Variants in CATSPERB observed in about 807,000 individuals in gnomAD.
The protein encoded by CATSPERB is cation channel sperm-associated auxiliary subunit beta.
CATSPERB carries 93 observed loss-of-function variants against 128.3 expected under a neutral mutation model. The observed-to-expected ratio is 0.72, with a 90% confidence interval of 0.61 to 0.86. The LOEUF (loss-of-function observed/expected upper bound fraction) is 0.86. CATSPERB is among the 40% of genes least tolerant of loss of function. The probability of loss-of-function intolerance (pLI) is 0.00; values close to 1 mark genes in which losing one functional copy is unlikely to be tolerated. For synonymous variants in CATSPERB, 381 were observed against 448.8 expected (o/e 0.85, Z 1.91); for missense variants, 1,153 against 1,329.5 (o/e 0.87, Z 2.06).
intron 17 of CATSPERB, among the ~76,000 whole-genome samples, chr14:91,626,577 C>T (rs1894168119): frequency 6.6e-6 from 1 of 151,530 alleles, no homozygotes; most frequent in Non-Finnish European, 1.5e-5. Context: ...GAATTCAGTC[C>T]CTTCCCTCCC....
chr14:91,586,571 A>AGAGAGAGAGAAAGAG (rs374162982), intron 26 of CATSPERB, among the ~76,000 whole-genome samples: 1 of 114,192 alleles, frequency 8.8e-6, no homozygotes, highest in South Asian at 3.2e-4. Context: ...GAGAGAGAGA[A>AGAGAGAGAGAAAGAG]AGAGAGAGAG....
intron 5 of CATSPERB, chr14:91,714,875 C>G (rs2139773322): frequency 6.6e-6 from 1 of 152,160 alleles, no homozygotes; most frequent in East Asian, 1.9e-4. Context: ...CCATGAACTA[C>G]TTAGGTATAA....
At chr14:91,582,089 G>C (rs1893215896) in intron 26 of CATSPERB, among the ~76,000 whole-genome samples, 1 of 152,136 alleles carries the variant, frequency 6.6e-6, no homozygotes, top group Admixed American at 6.6e-5. Flanking sequence ...TACTGCTACT[G>C]TGATTATTGT....
At chr14:91,644,489 T>A (rs1463748995) in intron 15 of CATSPERB, among the ~76,000 whole-genome samples, 1 of 142,596 alleles carries the variant, frequency 7.0e-6, no homozygotes, top group East Asian at 2.1e-4. Flanking sequence ...TGGCTGGATA[T>A]GAAATTCTGG....
rs1345282564 is a variant in CATSPERB, at chr14:91,621,769, A to G, written c.2099T>C (p.Leu700Ser). ...NMTFLKSTWF[L>S]YNFGQRNGRT... ...TCCATTCCTTTGCCCAAAGTTGTAT[A>G]AGAACCATGTGCTCTTTAGAAAGGT... Residue 700 changes from leucine to serine, a missense_variant, in exon 19 of 27, where the codon TTA (leucine) becomes TCA (serine). Physicochemically the swap from Leu to Ser is moderately radical, Grantham distance 145. Transcript: ENST00000256343. 2 of 1,614,064 alleles carry G rather than the reference A, an allele frequency of 1.2e-6. No individual in the cohort carries two copies. The highest frequency in any genetic ancestry group is 2.7e-5 in the African/African-American group (2 of 74,934).
At chr14:91,718,404 G>A (rs1895976907) in intron 5 of CATSPERB, among the ~76,000 whole-genome samples, 2 of 151,896 alleles carry the variant, frequency 1.3e-5, no homozygotes, top group African/African-American at 4.8e-5. Context: ...ACCTTGCCTT[G>A]CCTTCATTCT....
rs202228909 is a variant in CATSPERB, at chr14:91,672,546, A to AT, written c.1128+320dup. ...ATATAGATCTGTGGCAATTACTTCC[A>AT]TTTTTTTTTCTGTTTAATTAACCAT... On this transcript the variant is annotated intron_variant, in intron 13 of 26. Transcript: ENST00000256343. 1.0e-2 allele frequency among the ~76,000 whole-genome samples: 1,508 copies of AT among 150,972 alleles called. 20 individuals carry two copies. Among genetic ancestry groups the AT allele is most frequent in the Middle Eastern group, 0.044 (13 of 294 alleles).
chr14:91,640,396 C>CCCCCCTA (rs1894473447), intron 15 of CATSPERB, among the ~76,000 whole-genome samples: 1 of 89,882 alleles, frequency 1.1e-5, no homozygotes. Flanking sequence ...CCTCCCCCCT[C>CCCCCCTA]CCCCCACCCC....
chr14:91,668,612 TTGC>T (rs1044681361), intron 14 of CATSPERB, among the ~76,000 whole-genome samples: 8 of 152,220 alleles, frequency 5.3e-5, no homozygotes. Context: ...ACAATAAGTC[TTGC>T]TGCTGCTCAC....
intron 15 of CATSPERB, among the ~76,000 whole-genome samples, chr14:91,647,435 T>C (rs1442722536): frequency 6.6e-6 from 1 of 152,216 alleles, no homozygotes; most frequent in Non-Finnish European, 1.5e-5. Flanking sequence ...AAAAGGACTT[T>C]GGTACTGTGT....
chr14:91,582,257 G>A (rs1044464585), intron 26 of CATSPERB, among the ~76,000 whole-genome samples: 5 of 152,126 alleles, frequency 3.3e-5, no homozygotes, highest in African/African-American at 4.8e-5. Flanking sequence ...TTGTTGACAG[G>A]AATGTTGACA....
At chr14:91,720,090 C>T (rs539577756) in intron 4 of CATSPERB, among the ~76,000 whole-genome samples, 1 of 152,108 alleles carries the variant, frequency 6.6e-6, no homozygotes, top group East Asian at 1.9e-4. Context: ...TGGAAACATT[C>T]CAAATTTGCT....
At chr14:91,621,549 C>A in intron 19 of CATSPERB, 59 bp downstream of exon 19, 2 of 1,329,624 alleles carry the variant, frequency 1.5e-6, no homozygotes, top group Non-Finnish European at 2.1e-6. Context: ...GAGTATATTT[C>A]ACATTCAAGA....
Position 91,683,922 on chromosome 14 carries a change from G to C in CATSPERB, c.886C>G (p.Leu296Val). ...GCAAAACATCTTTCATTATACCACA[G>C]TTTTCCTTTCACATAGTCAACCTAC... is the stretch of plus-strand genomic sequence containing the variant. ...FERVDYVKGK[L>V]WYNERCFANR... The change falls in exon 11 of 27, where the codon CTG becomes GTG. Residue 296 changes from leucine (L) to valine (V), a missense_variant. Transcript: ENST00000256343. 1 of 1,604,972 alleles carries C rather than the reference G, an allele frequency of 6.2e-7. No homozygotes were observed. The highest frequency in any genetic ancestry group is 8.5e-7 in the Non-Finnish European group (1 of 1,176,108).
chr14:91,657,335 C>G (rs1042628262), intron 15 of CATSPERB, among the ~76,000 whole-genome samples: 14 of 152,010 alleles, frequency 9.2e-5, no homozygotes, highest in African/African-American at 3.4e-4. Context: ...GAAACTAGAC[C>G]TCTTTCTCCA....
intron 17 of CATSPERB, among the ~76,000 whole-genome samples, chr14:91,626,736 T>G: frequency 6.6e-6 from 1 of 152,296 alleles, no homozygotes; most frequent in Admixed American, 6.5e-5. Context: ...CCTCCAGAAC[T>G]GTAAGAAATA....
At chr14:91,623,498 G>A (rs1894094519) in intron 18 of CATSPERB, among the ~76,000 whole-genome samples, 2 of 152,160 alleles carry the variant, frequency 1.3e-5, no homozygotes, top group African/African-American at 4.8e-5. Context: ...TCATACATAT[G>A]CTGAAAGTCC....
chr14:91,682,775 T>G (rs370810358), intron 11 of CATSPERB, among the ~76,000 whole-genome samples: 13 of 152,188 alleles, frequency 8.5e-5, no homozygotes, highest in Non-Finnish European at 8.8e-5. Flanking sequence ...GATGTAGAAT[T>G]ACAAGTAGAG....
chr14:91,611,829 A>G lies in CATSPERB; in HGVS notation c.2401-1152T>C, dbSNP rs551392430. Among the ~76,000 whole-genome samples, 8 of 152,296 alleles carry G rather than the reference A, an allele frequency of 5.3e-5. No individual in the cohort carries two copies. The South Asian group carries it at 1.0e-3, about 20-fold the overall frequency. ...TCATTTTACTACATATATGTGTCTT[A>G]CAACAACACATTGTATTCCTTAAAT... On this transcript the variant is annotated intron_variant, in intron 20 of 26. Coordinates refer to ENST00000256343, the MANE Select transcript of CATSPERB (RefSeq NM_024764.4).
Sources: allele counts gnomAD v4.1 joint callset (sites outside exome capture counted in the v4.1 genomes callset), GRCh38; gene constraint gnomAD v4.1.1; transcripts MANE v1.5; gene names NCBI Gene and HGNC (gene_info 2026-07-23, HGNC 2026-07-21).